The following SPG11 variants were observed in gnomAD, a reference collection of about 807,000 sequenced individuals.
SPG11 encodes SPG11 vesicle trafficking associated, spatacsin, also known as spatacsin.
SPG11 carries 222 observed loss-of-function variants against 274.0 expected under a neutral mutation model. That is an observed-to-expected ratio of 0.81 (90% CI 0.73 to 0.91). The LOEUF (loss-of-function observed/expected upper bound fraction) is 0.91, where lower values mean the gene tolerates loss of function less well. Among genes scored for constraint, SPG11 ranks in the 40% least tolerant of loss-of-function variants. The probability of loss-of-function intolerance (pLI) is 0.00; values close to 1 mark genes in which losing one functional copy is unlikely to be tolerated. For missense variants in SPG11, 3,114 were observed against 2,872.7 expected, an observed-to-expected ratio of 1.08 and a Z score of -1.92; for synonymous variants, 1,144 against 1,039.7, an observed-to-expected ratio of 1.10 and a Z score of -1.93.
chr15:44,575,486 C>T (rs1028771060), intron 30 of SPG11, among the ~76,000 whole-genome samples: 2 of 151,336 alleles, frequency 1.3e-5, no homozygotes, highest in African/African-American at 4.9e-5. Flanking sequence ...AGTCGGTCTC[C>T]AACATACTTT....
chr15:44,581,082 C>G (rs2140942124), intron 30 of SPG11, among the ~76,000 whole-genome samples: 1 of 151,956 alleles, frequency 6.6e-6, no homozygotes, highest in Middle Eastern at 3.4e-3. Context: ...TCGAGAGCAA[C>G]CAGAGAAATA....
chr15:44,622,143 T>A (rs1002565870), intron 13 of SPG11, 77 bp downstream of exon 13: 2 of 1,504,798 alleles, frequency 1.3e-6, no homozygotes, highest in Non-Finnish European at 1.8e-6. Flanking sequence ...ATAAGAAACT[T>A]GTGTTCACTA....
chr15:44,577,409 A>T (rs2082561009), intron 30 of SPG11, among the ~76,000 whole-genome samples: 1 of 148,894 alleles, frequency 6.7e-6, no homozygotes, highest in Non-Finnish European at 1.5e-5. Flanking sequence ...AGGCTGAGGC[A>T]GGAGGACTGC....
intron 30 of SPG11, among the ~76,000 whole-genome samples, chr15:44,580,713 C>T (rs1164208505): frequency 6.6e-6 from 1 of 152,214 alleles, no homozygotes; most frequent in Non-Finnish European, 1.5e-5. Flanking sequence ...ATCACTTGAA[C>T]CTGGGAGGCA....
rs1176011669 is a variant in SPG11, at chr15:44,651,479, AG to A, written c.1456+11del. The A allele has an allele frequency of 3.1e-6, 5 of 1,608,662 alleles. No homozygotes were observed. The highest frequency in any genetic ancestry group is 4.3e-6 in the Non-Finnish European group (5 of 1,175,216). The stretch of plus-strand genomic sequence containing the variant: ...CAGCAATGGATTTCAATCTAATACA[AG>A]ACAGTCTCACCTGTCAAAACAAAGC... On this transcript the variant is annotated intron_variant, in intron 6 of 39. Transcript: ENST00000261866.
At chr15:44,606,134 T>C (rs770940321) in intron 19 of SPG11, 43 bp from the exon 20 acceptor site, 3 of 1,574,764 alleles carry the variant, frequency 1.9e-6, no homozygotes, top group Non-Finnish European at 2.6e-6. Flanking sequence ...AGTTCACTGA[T>C]TATAAAATAG....
intron 30 of SPG11, among the ~76,000 whole-genome samples, chr15:44,576,888 A>T (rs1041227232): frequency 1.3e-5 from 2 of 151,120 alleles, no homozygotes; most frequent in African/African-American, 2.4e-5. Flanking sequence ...GTGCAGTGGC[A>T]CCATCTCGGT....
rs34800368 is a variant in SPG11, at chr15:44,585,602, T to TAAA, written c.5121+31_5121+33dup. 2,598 of 1,193,266 alleles carry TAAA rather than the reference T, an allele frequency of 2.2e-3. 32 individuals are homozygous for TAAA. The African/African-American group carries it at 0.033, about 15-fold the overall frequency. The allele number at this position is 1,193,266 out of a possible 1,614,324, so 73.9% of individuals were successfully genotyped here. On this transcript the variant is annotated intron_variant, in intron 29 of 39. Coordinates refer to ENST00000261866, the MANE Select transcript of SPG11 (RefSeq NM_025137.4). ...GGGTGACAGAGCAAGACCCCGTATC[T>TAAA]AAAAAAAAAAAAAAAAAAAAAGACC...
At position 44,629,223 on chromosome 15, in the gene SPG11, C is replaced by T. The variant is rs1186925643; in HGVS notation, c.1891+10G>A. On this transcript the variant is annotated intron_variant, in intron 9 of 39. Transcript: ENST00000261866. The stretch of plus-strand genomic sequence containing the variant: ...AGTAGAATTGCCCCCTTCCTAGCTG[C>T]TATTCTTACCTTCAGTGTGAATGAA... The T allele has an allele frequency of 6.2e-7, 1 of 1,613,768 alleles. No homozygotes were observed. Among genetic ancestry groups the T allele is most frequent in the East Asian group, 2.2e-5 (1 of 44,854 alleles).
chr15:44,574,012 T>A (rs868219311), intron 31 of SPG11, among the ~76,000 whole-genome samples: 1 of 151,532 alleles, frequency 6.6e-6, no homozygotes, highest in Non-Finnish European at 1.5e-5. Context: ...GGCGGCAGGG[T>A]TGGGAGGGGT....
In SPG11 at chr15:44,562,851, G is replaced by C; in HGVS notation, c.*270C>G. 2.4e-6 allele frequency: 1 copy of C among 409,166 alleles called. No homozygotes were observed. Among genetic ancestry groups the C allele is most frequent in the Non-Finnish European group, 4.5e-6 (1 of 224,396 alleles). 25.3% of individuals were successfully genotyped at this position (409,166 alleles called of 1,614,324 possible). A position where few individuals can be genotyped will look rare whatever the true frequency, so the allele number is the denominator to read the frequency against. ...AATCATTATTGGATCATCTAAAGTA[G>C]AAGCTGTCCTGAGGAAGAGGAAGCT... On this transcript the variant is annotated 3_prime_UTR_variant, in exon 40 of 40. Coordinates refer to ENST00000261866, the MANE Select transcript of SPG11 (RefSeq NM_025137.4).
Position 44,628,778 on chromosome 15 carries a change from A to G in SPG11, c.1958T>C (p.Phe653Ser). Residue 653 changes from phenylalanine (F) to serine (S), a missense_variant, in exon 10 of 40, where the codon TTC (phenylalanine) becomes TCC (serine). Phe to Ser is a radical substitution (Grantham distance 155). Coordinates refer to ENST00000261866, the MANE Select transcript of SPG11 (RefSeq NM_025137.4). ...LTSYINELRT[F>S]MIKFPWKLTD... The stretch of plus-strand genomic sequence containing the variant: ...TAGCTTCCAAGGAAACTTTATCATG[A>G]AGGTTCGAAGTTCATTAATGTAGCT... 1 of 1,613,766 alleles carries G rather than the reference A, an allele frequency of 6.2e-7. No individual in the cohort carries two copies.
At chr15:44,654,408 T>C (rs1191661899) in intron 4 of SPG11, among the ~76,000 whole-genome samples, 4 of 151,946 alleles carry the variant, frequency 2.6e-5, no homozygotes, top group Admixed American at 6.6e-5. Flanking sequence ...CTTGGGAGGC[T>C]GAGACACGAG....
Position 44,621,922 on chromosome 15 carries a change from C to T in SPG11, c.2457G>A (p.Lys819=), listed in dbSNP as rs1384959277. The change falls in exon 14 of 40, where the codon AAG becomes AAA. Residue 819 remains lysine (K), a synonymous_variant. Coordinates refer to ENST00000261866, the MANE Select transcript of SPG11 (RefSeq NM_025137.4). ...ACTTGTGCTTGAAAAAATCTTGTTCCTTTATCCAGTACCTAAAAACAGTGA... is the reference window on the plus strand; with the variant it reads ...ACTTGTGCTTGAAAAAATCTTGTTCTTTTATCCAGTACCTAAAAACAGTGA... The part of the protein sequence containing the change: ...QIQSFPRYWI[K]EQDFFKHKSV... 1.2e-6 allele frequency: 2 copies of T among 1,612,532 alleles called. No homozygotes were observed. The highest frequency in any genetic ancestry group is 1.7e-6 in the Non-Finnish European group (2 of 1,179,376).
At chr15:44,567,062 T>C (rs2082324379) in intron 36 of SPG11, among the ~76,000 whole-genome samples, 1 of 151,898 alleles carries the variant, frequency 6.6e-6, no homozygotes, top group Non-Finnish European at 1.5e-5. Flanking sequence ...TGTAAGAATT[T>C]TATCGAGGGC....
At chr15:44,591,020 C>G (rs1293422014) in intron 27 of SPG11, 1 of 152,218 alleles carries the variant, frequency 6.6e-6, no homozygotes, top group African/African-American at 2.4e-5. Flanking sequence ...CACATTACTG[C>G]TATCTTCTTA....
chr15:44,611,051 A>C, intron 17 of SPG11, 66 bp from the exon 18 acceptor site: 1 of 1,360,450 alleles, frequency 7.4e-7, no homozygotes, highest in Non-Finnish European at 1.0e-6. Flanking sequence ...GATTACATAA[A>C]TGTGAGAACA....
intron 20 of SPG11, among the ~76,000 whole-genome samples, chr15:44,601,867 C>A (rs2083199877): frequency 6.6e-6 from 1 of 151,794 alleles, no homozygotes; most frequent in African/African-American, 2.4e-5. Context: ...GTCCAGCCAG[C>A]CACCGCGCCC....
chr15:44,651,213 G>A (rs2084764678), intron 6 of SPG11, among the ~76,000 whole-genome samples: 1 of 152,140 alleles, frequency 6.6e-6, no homozygotes, highest in South Asian at 2.1e-4. Flanking sequence ...CTCTGCTTGT[G>A]AAGTCAAATG....
Sources: gnomAD v4.1 joint callset for allele counts (sites outside exome capture counted in the v4.1 genomes callset) on GRCh38, gnomAD v4.1.1 for gene constraint, MANE v1.5 for transcripts, NCBI Gene and HGNC (gene_info 2026-07-23, HGNC 2026-07-21) for gene names.